Variants in SAMD13 observed in about 807,000 individuals in gnomAD.
The protein encoded by SAMD13 is sterile alpha motif domain containing 13.
Under a neutral mutation model 12.4 loss-of-function variants are expected in SAMD13, and 9 were observed. The ratio of observed to expected loss-of-function variants is 0.72; its 90% CI spans 0.44 to 1.26. The LOEUF (loss-of-function observed/expected upper bound fraction) is 1.26. Ranked by LOEUF, SAMD13 falls within the 50% of genes most tolerant of loss-of-function variation. SAMD13 has a pLI of 0.00. For missense variants in SAMD13, 84 were observed against 119.6 expected (o/e 0.70, Z 1.39); for synonymous variants, 46 against 45.4 (o/e 1.01, Z -0.05).
chr1:84,303,093 G>T, intron 1 of SAMD13, 110 bp from the exon 2 acceptor site: 1 of 744,494 alleles, frequency 1.3e-6, no homozygotes, highest in African/African-American at 1.8e-5. Flanking sequence ...ACAAACATAC[G>T]TGAACTGGTG....
chr1:84,298,781 A>C (rs1201744267), upstream of SAMD13, among the ~76,000 whole-genome samples: 1 of 151,788 alleles, frequency 6.6e-6, no homozygotes, highest in African/African-American at 2.4e-5. Flanking sequence ...GCCCTGCCCC[A>C]CGGAGAGCCC....
At chr1:84,334,793 T>G (rs1308294731) in intron 3 of SAMD13, among the ~76,000 whole-genome samples, 2 of 152,184 alleles carry the variant, frequency 1.3e-5, no homozygotes, top group Non-Finnish European at 2.9e-5. Flanking sequence ...ATTTCTTGAT[T>G]TCTCCTTTAA....
chr1:84,316,737 C>T (rs750174007), intron 2 of SAMD13, among the ~76,000 whole-genome samples: 6 of 151,746 alleles, frequency 4.0e-5, no homozygotes, highest in Non-Finnish European at 5.9e-5. Flanking sequence ...AATTTTTTTT[C>T]TATTTCTATA....
intron 3 of SAMD13, among the ~76,000 whole-genome samples, chr1:84,337,053 CT>C (rs1202545046): frequency 6.6e-6 from 1 of 152,222 alleles, no homozygotes; most frequent in African/African-American, 2.4e-5. Context: ...TTCCCATGGT[CT>C]TGGACAGCTC....
chr1:84,343,727 G>A (rs1456015068), intron 3 of SAMD13, among the ~76,000 whole-genome samples: 2 of 152,110 alleles, frequency 1.3e-5, no homozygotes, highest in African/African-American at 2.4e-5. Flanking sequence ...GAGAAGGAGA[G>A]CATTAGGAAA....
At chr1:84,315,241 C>T (rs1012252210) in intron 2 of SAMD13, among the ~76,000 whole-genome samples, 2 of 152,024 alleles carry the variant, frequency 1.3e-5, no homozygotes, top group Non-Finnish European at 2.9e-5. Flanking sequence ...TTATCAACTC[C>T]CCCTTTCCCC....
At chr1:84,299,764 TAG>T, upstream of SAMD13, 1 of 419,704 alleles carries the variant, frequency 2.4e-6, no homozygotes, top group Non-Finnish European at 3.6e-6. Context: ...TGTCATAATT[TAG>T]AGTGTCTTTG....
rs371072019 is a variant in SAMD13, at chr1:84,341,718, A to T, written c.166-7913A>T. On this transcript the variant is annotated intron_variant, in intron 3 of 3. Coordinates refer to ENST00000394834, the MANE Select transcript of SAMD13 (RefSeq NM_001134663.2). The stretch of plus-strand genomic sequence containing the variant: ...ACCCTGGAGAAAGTGGAGTTGACAT[A>T]AAAAAAATGGGTTTAATGAGAATGA... Among the ~76,000 whole-genome samples the T allele has an allele frequency of 4.0e-5, 6 of 151,866 alleles. No homozygotes were observed. The East Asian group carries it at 7.7e-4, about 20-fold the overall frequency.
chr1:84,315,917 T>A (rs1295242287), intron 2 of SAMD13, among the ~76,000 whole-genome samples: 1 of 152,210 alleles, frequency 6.6e-6, no homozygotes, highest in Non-Finnish European at 1.5e-5. Context: ...CTAAGAGGTA[T>A]GAGATGATAT....
intron 2 of SAMD13, among the ~76,000 whole-genome samples, chr1:84,321,799 C>A (rs997047530): frequency 6.6e-6 from 1 of 152,186 alleles, no homozygotes; most frequent in African/African-American, 2.4e-5. Context: ...CTGGCTCCTG[C>A]CCCGCACACC....
At chr1:84,299,924 C>G (rs546351068), upstream of SAMD13, among the ~76,000 whole-genome samples, 5 of 152,178 alleles carry the variant, frequency 3.3e-5, no homozygotes, top group African/African-American at 1.2e-4. Context: ...GGAAAAACTT[C>G]ACAGAATCCT....
chr1:84,322,599 C>T (rs965994994), intron 2 of SAMD13, among the ~76,000 whole-genome samples: 2 of 152,180 alleles, frequency 1.3e-5, no homozygotes, highest in Non-Finnish European at 2.9e-5. Flanking sequence ...GGTTTTTCTT[C>T]TCAGGATATC....
At chr1:84,340,426 T>G (rs1340765466) in intron 3 of SAMD13, among the ~76,000 whole-genome samples, 1 of 151,966 alleles carries the variant, frequency 6.6e-6, no homozygotes, top group Non-Finnish European at 1.5e-5. Flanking sequence ...GAGTAGGGAG[T>G]TATTAAGTAA....
chr1:84,306,082 A>G (rs1678565376), intron 2 of SAMD13, among the ~76,000 whole-genome samples: 1 of 152,130 alleles, frequency 6.6e-6, no homozygotes. Flanking sequence ...TTGGTATTTT[A>G]ACAATATTGT....
upstream of SAMD13, chr1:84,301,626 G>A (rs1164357675): frequency 1.0e-6 from 1 of 985,322 alleles, no homozygotes; most frequent in Admixed American, 6.1e-5. Context: ...GGTGCAGCTT[G>A]TGTGTGATTC....
At chr1:84,309,068 A>G (rs2055115) in intron 2 of SAMD13, among the ~76,000 whole-genome samples, 10,633 of 152,268 alleles carry the variant, frequency 0.07, 420 homozygotes, top group South Asian at 0.085. Context: ...GTTATAAATT[A>G]CAGAGTGAAA....
intron 3 of SAMD13, among the ~76,000 whole-genome samples, chr1:84,330,105 G>A (rs576756447): frequency 1.3e-5 from 2 of 152,286 alleles, no homozygotes; most frequent in Admixed American, 6.5e-5. Flanking sequence ...GTGGTGAAGG[G>A]AATGAGTGAA....
At chr1:84,327,689 C>A (rs1051247175) in intron 3 of SAMD13, among the ~76,000 whole-genome samples, 10 of 152,070 alleles carry the variant, frequency 6.6e-5, no homozygotes, top group Non-Finnish European at 1.3e-4. Context: ...CTGATATATA[C>A]AAGTCAATTT....
chr1:84,315,142 G>A (rs994188382), intron 2 of SAMD13, among the ~76,000 whole-genome samples: 52 of 150,966 alleles, frequency 3.4e-4, no homozygotes, highest in African/African-American at 1.2e-3. Context: ...TTAAGTGTAC[G>A]ATACAGTATT....
Sources: allele counts gnomAD v4.1 joint callset (sites outside exome capture counted in the v4.1 genomes callset), GRCh38; gene constraint gnomAD v4.1.1; transcripts MANE v1.5; gene names NCBI Gene and HGNC (gene_info 2026-07-23, HGNC 2026-07-21).